CDK13: variants seen among roughly 807,000 people sequenced by gnomAD.
The protein encoded by CDK13 is cyclin-dependent kinase 13.
CDK13 carries 40 observed loss-of-function variants against 137.6 expected under a neutral mutation model. The observed-to-expected ratio is 0.29, with a 90% CI of 0.23 to 0.38. CDK13 has a LOEUF of 0.38. Among genes scored for constraint, CDK13 ranks in the 10% least tolerant of loss-of-function variants. The pLI, the probability that CDK13 is intolerant of heterozygous loss-of-function variation, is 1.00. For missense variants in CDK13, 1,704 were observed against 1,951.8 expected, an observed-to-expected ratio of 0.87 and a Z score of 2.39; for synonymous variants, 869 against 760.1, an observed-to-expected ratio of 1.14 and a Z score of -2.36.
At chr7:40,068,060 G>T (rs938152154) in intron 9 of CDK13, 1 of 146,880 alleles carries the variant, frequency 6.8e-6, no homozygotes, top group African/African-American at 2.6e-5. Context: ...GCTCTGCCGC[G>T]CTCCAGCCTG....
At chr7:40,092,654 C>G in intron 12 of CDK13, 131 bp from the exon 13 acceptor site, 1 of 655,594 alleles carries the variant, frequency 1.5e-6, no homozygotes, top group Non-Finnish European at 2.6e-6. Context: ...TTGAGGTTCT[C>G]TTTTTACAGT....
chr7:40,046,441 C>G (rs1456852239), intron 6 of CDK13, among the ~76,000 whole-genome samples: 1 of 152,022 alleles, frequency 6.6e-6, no homozygotes, highest in East Asian at 1.9e-4. Flanking sequence ...ACCAGGAGTT[C>G]ATGACCAGCC....
At chr7:40,055,839 C>T (rs1562752522) in intron 7 of CDK13, among the ~76,000 whole-genome samples, 2 of 152,090 alleles carry the variant, frequency 1.3e-5, no homozygotes, top group Admixed American at 6.6e-5. Context: ...GCCTCTGCCT[C>T]TCAAAGTGCT....
chr7:40,040,845 A>G (rs1305280170), intron 5 of CDK13, among the ~76,000 whole-genome samples: 1 of 149,924 alleles, frequency 6.7e-6, no homozygotes, highest in Non-Finnish European at 1.5e-5. Context: ...TTTTGTTGTC[A>G]TTGAGTGTTT....
intron 2 of CDK13, among the ~76,000 whole-genome samples, chr7:39,989,801 G>A (rs896892536): frequency 2.2e-5 from 2 of 91,728 alleles, no homozygotes; most frequent in Non-Finnish European, 4.4e-5. Context: ...TTTTTTTTTT[G>A]AGACGGAGTC....
At chr7:40,084,263 G>A (rs1435599852) in intron 11 of CDK13, among the ~76,000 whole-genome samples, 1 of 152,128 alleles carries the variant, frequency 6.6e-6, no homozygotes, top group Admixed American at 6.5e-5. Flanking sequence ...GGCAGATCAC[G>A]AGGTCAAGAG....
Position 39,950,551 on chromosome 7 carries a change from C to T in CDK13, c.-91C>T. ...GGCTCTGGTGCTCGGTGTCCCTCCG[C>T]CGCCGCTCCCGTTTCCGGCGGGGGA... On this transcript the variant is annotated 5_prime_UTR_variant, in exon 1 of 14. Coordinates refer to ENST00000181839, the MANE Select transcript of CDK13 (RefSeq NM_003718.5). The T allele has an allele frequency of 7.8e-7, 1 of 1,274,050 alleles. No individual in the cohort carries two copies. Among genetic ancestry groups the T allele is most frequent in the Non-Finnish European group, 9.9e-7 (1 of 1,010,732 alleles). The allele number at this position is 1,274,050 out of a possible 1,614,324, so 78.9% of individuals were successfully genotyped here. A position where few individuals can be genotyped will look rare whatever the true frequency, so the allele number is the denominator to read the frequency against.
intron 1 of CDK13, among the ~76,000 whole-genome samples, chr7:39,959,122 C>A (rs1787522098): frequency 7.8e-6 from 1 of 128,700 alleles, no homozygotes; most frequent in African/African-American, 2.5e-5. Context: ...ATTTGCATTT[C>A]TTTGATATTT....
At position 39,965,708 on chromosome 7, in the gene CDK13, A is replaced by G. The variant is rs1377598944; in HGVS notation, c.1211+13856A>G. Among the ~76,000 whole-genome samples, 3 of 152,156 alleles carry G rather than the reference A, an allele frequency of 2.0e-5. No homozygotes were observed. In the East Asian group the frequency reaches 5.8e-4, roughly 29 times the overall value. ...TCATTAGTTGATGCAGTTTCTTCCT[A>G]GCCTCAATGGTCTTTACAATTTGGT... On this transcript the variant is annotated intron_variant, in intron 1 of 13. Transcript: ENST00000181839.
intron 5 of CDK13, among the ~76,000 whole-genome samples, chr7:40,013,735 C>CT (rs927647552): frequency 2.0e-5 from 3 of 152,012 alleles, no homozygotes; most frequent in African/African-American, 7.2e-5. Flanking sequence ...CAATTGAACA[C>CT]TTTAAGTGGT....
At chr7:40,056,598 G>A (rs546418891) in intron 7 of CDK13, among the ~76,000 whole-genome samples, 81 of 152,306 alleles carry the variant, frequency 5.3e-4, no homozygotes, top group African/African-American at 1.9e-3. Context: ...TTCATTTCAC[G>A]CTATCACTTT....
rs980581063 is a variant in CDK13, at chr7:40,015,176, T to G, written c.2353+13145T>G. On this transcript the variant is annotated intron_variant, in intron 5 of 13. Coordinates refer to ENST00000181839, the MANE Select transcript of CDK13 (RefSeq NM_003718.5). ...TAGAGTTAGTACCACGTTTTGAAAT[T>G]TAAAGAACGTAGAACAGAATGTGTT... Among the ~76,000 whole-genome samples the G allele has an allele frequency of 3.3e-5, 5 of 152,168 alleles. No individual in the cohort carries two copies. The East Asian group carries it at 9.6e-4, about 29-fold the overall frequency.
chr7:40,042,505 G>C (rs1381351387), intron 5 of CDK13, among the ~76,000 whole-genome samples: 1 of 118,648 alleles, frequency 8.4e-6, no homozygotes, highest in South Asian at 2.8e-4. Flanking sequence ...TTTTTGACAG[G>C]GTTCACTCTA....
At chr7:40,001,668 C>A (rs1459817888) in intron 4 of CDK13, among the ~76,000 whole-genome samples, 193 bp from the exon 5 acceptor site, 1 of 151,972 alleles carries the variant, frequency 6.6e-6, no homozygotes, top group Admixed American at 6.6e-5. Flanking sequence ...TGTAAATATT[C>A]CATAATTTGT....
chr7:40,002,537 T>A (rs1784704719), intron 5 of CDK13, among the ~76,000 whole-genome samples: 1 of 152,190 alleles, frequency 6.6e-6, no homozygotes, highest in Non-Finnish European at 1.5e-5. Flanking sequence ...GCCTGCTTAT[T>A]AAAGTAGTTA....
intron 1 of CDK13, among the ~76,000 whole-genome samples, chr7:39,956,895 A>G (rs1787423776): frequency 6.6e-6 from 1 of 150,952 alleles, no homozygotes; most frequent in South Asian, 2.1e-4. Context: ...CCAAGTCTAA[A>G]CTTCCTAATG....
At chr7:40,034,383 G>A (rs1345589675) in intron 5 of CDK13, among the ~76,000 whole-genome samples, 1 of 151,994 alleles carries the variant, frequency 6.6e-6, no homozygotes, top group African/African-American at 2.4e-5. Context: ...CTTTTCTTTT[G>A]TTTTGAGTAT....
At chr7:40,019,727 A>G (rs1453758561) in intron 5 of CDK13, among the ~76,000 whole-genome samples, 1 of 152,170 alleles carries the variant, frequency 6.6e-6, no homozygotes, top group East Asian at 1.9e-4. Context: ...TAACCTTCAA[A>G]CTGTAACAAG....
chr7:40,061,890 G>C (rs976813899), intron 7 of CDK13: 13 of 152,154 alleles, frequency 8.5e-5, no homozygotes, highest in African/African-American at 2.4e-4. Context: ...GGCAAATAAA[G>C]AGGTAGCAGT....
Sources: allele counts gnomAD v4.1 joint callset (sites outside exome capture counted in the v4.1 genomes callset), GRCh38; gene constraint gnomAD v4.1.1; transcripts MANE v1.5; gene names NCBI Gene and HGNC (gene_info 2026-07-23, HGNC 2026-07-21).